The following CA10 variants were observed in gnomAD, a reference collection of about 807,000 sequenced individuals.
The protein encoded by CA10 is carbonic anhydrase-related protein 10.
CA10 carries 14 observed loss-of-function variants against 44.2 expected under a neutral mutation model. The ratio of observed to expected loss-of-function variants is 0.32; its 90% CI spans 0.21 to 0.50. The LOEUF is 0.50. Ranked by LOEUF, CA10 falls within the 20% of genes least tolerant of loss-of-function variation. The pLI is 0.99. For missense variants in CA10, 350 were observed against 409.7 expected (o/e 0.85, Z 1.26); for synonymous variants, 159 against 141.6 (o/e 1.12, Z -0.87).
intron 2 of CA10, among the ~76,000 whole-genome samples, chr17:51,937,062 G>A (rs759388564): frequency 7.2e-5 from 11 of 152,070 alleles, no homozygotes; most frequent in East Asian, 5.8e-4. Flanking sequence ...ATCTTTTCTC[G>A]TTTTCAAGCA....
chr17:51,911,579 C>G (rs202122), intron 3 of CA10, among the ~76,000 whole-genome samples: 103,072 of 151,924 alleles, frequency 0.68, 35,284 homozygotes, highest in Non-Finnish European at 0.71. Flanking sequence ...TGGAATGATA[C>G]AAAAAGGACA....
chr17:51,871,613 G>A (rs1979819376), intron 3 of CA10, among the ~76,000 whole-genome samples: 1 of 150,866 alleles, frequency 6.6e-6, no homozygotes, highest in Non-Finnish European at 1.5e-5. Context: ...TTGAACTCCT[G>A]ACCTCAGGTG....
At chr17:51,804,149 G>GCTGTGAA (rs1907041434) in intron 3 of CA10, among the ~76,000 whole-genome samples, 1 of 152,180 alleles carries the variant, frequency 6.6e-6, no homozygotes, top group African/African-American at 2.4e-5. Context: ...TATCTATGAT[G>GCTGTGAA]ATTTTTAACA....
At chr17:52,024,704 T>C (rs892365615) in intron 2 of CA10, among the ~76,000 whole-genome samples, 1 of 152,090 alleles carries the variant, frequency 6.6e-6, no homozygotes, top group African/African-American at 2.4e-5. Flanking sequence ...ACTTTTTGTG[T>C]CTAAGCTTCA....
At chr17:52,004,284 C>T (rs972817287) in intron 2 of CA10, among the ~76,000 whole-genome samples, 1 of 151,956 alleles carries the variant, frequency 6.6e-6, no homozygotes, top group Non-Finnish European at 1.5e-5. Context: ...TTTATATACA[C>T]ACATGCATAT....
chr17:51,781,397 C>T (rs538598525), intron 3 of CA10, among the ~76,000 whole-genome samples: 14 of 152,012 alleles, frequency 9.2e-5, no homozygotes, highest in Admixed American at 7.9e-4. Context: ...GTCATGAGTT[C>T]GGAAATAGGC....
At chr17:51,728,138 C>T (rs1045105777) in intron 4 of CA10, among the ~76,000 whole-genome samples, 2 of 152,102 alleles carry the variant, frequency 1.3e-5, no homozygotes, top group East Asian at 1.9e-4. Context: ...GTGATCCCTG[C>T]CTTAGCCTCC....
At chr17:51,970,871 T>G (rs540255784) in intron 2 of CA10, among the ~76,000 whole-genome samples, 1 of 152,110 alleles carries the variant, frequency 6.6e-6, no homozygotes, top group East Asian at 1.9e-4. Flanking sequence ...TCGGCAATAA[T>G]AAGTGGTTTT....
At chr17:52,000,987 C>G (rs951923061) in intron 2 of CA10, among the ~76,000 whole-genome samples, 1 of 151,912 alleles carries the variant, frequency 6.6e-6, no homozygotes, top group African/African-American at 2.4e-5. Flanking sequence ...AACTGTTATT[C>G]TGAGGACTAA....
At chr17:51,945,869 C>T (rs536659629) in intron 2 of CA10, among the ~76,000 whole-genome samples, 31 of 152,170 alleles carry the variant, frequency 2.0e-4, no homozygotes, top group African/African-American at 6.5e-4. Context: ...TTGGTACTTA[C>T]GATCAGATAT....
intron 4 of CA10, chr17:51,661,750 C>A (rs1340820067): frequency 6.6e-6 from 1 of 152,190 alleles, no homozygotes; most frequent in Non-Finnish European, 1.5e-5. Context: ...TTGGGGAGCA[C>A]CCACTGTGTT....
At chr17:52,130,370 CTG>C (rs1989209103) in intron 1 of CA10, among the ~76,000 whole-genome samples, 1 of 152,176 alleles carries the variant, frequency 6.6e-6, no homozygotes, top group Non-Finnish European at 1.5e-5. Flanking sequence ...TACTGCAGCA[CTG>C]TTCACAGTAG....
intron 3 of CA10, among the ~76,000 whole-genome samples, chr17:51,776,377 GATAA>G (rs1905821009): frequency 6.6e-6 from 1 of 151,700 alleles, no homozygotes; most frequent in Non-Finnish European, 1.5e-5. Context: ...TCTAAGAAAA[GATAA>G]ATAAATATAA....
intron 3 of CA10, among the ~76,000 whole-genome samples, chr17:51,857,586 GAC>G (rs1428186020): frequency 1.3e-5 from 2 of 152,284 alleles, no homozygotes; most frequent in Middle Eastern, 3.4e-3. Context: ...ATACGGCTGA[GAC>G]ACACACGGCT....
At chr17:51,933,244 C>T (rs941762918) in intron 2 of CA10, among the ~76,000 whole-genome samples, 4 of 151,940 alleles carry the variant, frequency 2.6e-5, no homozygotes, top group African/African-American at 4.8e-5. Context: ...TTAAGTTAAT[C>T]GTTTTGGGAT....
At chr17:51,982,415 T>G (rs574276685) in intron 2 of CA10, among the ~76,000 whole-genome samples, 6 of 152,094 alleles carry the variant, frequency 3.9e-5, no homozygotes, top group Non-Finnish European at 8.8e-5. Context: ...TCACTTATGA[T>G]GGAGCCTTTT....
At chr17:52,054,777 T>C (rs1707218925) in intron 2 of CA10, among the ~76,000 whole-genome samples, 1 of 151,662 alleles carries the variant, frequency 6.6e-6, no homozygotes, top group African/African-American at 2.4e-5. Context: ...CCCCGATAGA[T>C]ATGGAAATTA....
intron 1 of CA10, among the ~76,000 whole-genome samples, chr17:52,081,882 T>C (rs1987992379): frequency 6.6e-6 from 1 of 151,640 alleles, no homozygotes; most frequent in Non-Finnish European, 1.5e-5. Context: ...TGAAGACTTC[T>C]CTCAAGGAAA....
At chr17:51,941,323 G>A (rs1336248915) in intron 2 of CA10, among the ~76,000 whole-genome samples, 1 of 152,156 alleles carries the variant, frequency 6.6e-6, no homozygotes, top group Non-Finnish European at 1.5e-5. Context: ...CCACAGGAAG[G>A]CATAAAAGAC....
Sources: allele counts gnomAD v4.1 joint callset (sites outside exome capture counted in the v4.1 genomes callset), GRCh38; gene constraint gnomAD v4.1.1; transcripts MANE v1.5; gene names NCBI Gene and HGNC (gene_info 2026-07-23, HGNC 2026-07-21).